Variants in GRIP1 observed in about 807,000 individuals in gnomAD.
GRIP1 encodes the protein glutamate receptor-interacting protein 1.
In GRIP1, 45 loss-of-function variants were observed where a neutral mutation model predicts 129.9. That is an observed-to-expected ratio of 0.35 (90% CI 0.27 to 0.44). GRIP1 has a LOEUF of 0.44. GRIP1 is among the 20% of genes least tolerant of loss of function. The pLI, the probability that GRIP1 is intolerant of heterozygous loss-of-function variation, is 1.00. For missense variants in GRIP1, 1,196 were observed against 1,396.8 expected, an observed-to-expected ratio of 0.86 and a Z score of 2.29; for synonymous variants, 530 against 520.8, an observed-to-expected ratio of 1.02 and a Z score of -0.24.
At chr12:66,954,341 G>C (rs116058360) in intron 1 of GRIP1, among the ~76,000 whole-genome samples, 21 of 152,298 alleles carry the variant, frequency 1.4e-4, no homozygotes, top group African/African-American at 5.1e-4. Context: ...AAATGGTATA[G>C]AAAAATGAGT....
intron 1 of GRIP1, among the ~76,000 whole-genome samples, chr12:66,616,390 T>C (rs973800476): frequency 6.6e-6 from 1 of 152,166 alleles, no homozygotes; most frequent in Non-Finnish European, 1.5e-5. Context: ...AAATGCTTAG[T>C]CTTAGTGCAC....
intron 5 of GRIP1, among the ~76,000 whole-genome samples, chr12:66,526,652 T>C (rs1032475148): frequency 2.6e-5 from 4 of 151,554 alleles, no homozygotes; most frequent in African/African-American, 4.9e-5. Flanking sequence ...CCAAAAGCAA[T>C]GGCAACAAAA....
At chr12:66,385,474 T>A (rs1428518545) in intron 19 of GRIP1, among the ~76,000 whole-genome samples, 1 of 152,044 alleles carries the variant, frequency 6.6e-6, no homozygotes, top group African/African-American at 2.4e-5. Flanking sequence ...AGGCAGAGGT[T>A]GCAGTGAGCC....
intron 2 of GRIP1, among the ~76,000 whole-genome samples, chr12:66,590,523 A>G (rs2063813535): frequency 6.6e-6 from 1 of 152,220 alleles, no homozygotes. Context: ...ACCTGCCATA[A>G]TAAGTAATAT....
At chr12:66,746,305 G>T (rs2036943527) in intron 1 of GRIP1, among the ~76,000 whole-genome samples, 1 of 152,074 alleles carries the variant, frequency 6.6e-6, no homozygotes, top group South Asian at 2.1e-4. Context: ...CTTATTCATG[G>T]ATACATTGCA....
rs187107282 is a variant in GRIP1, at chr12:66,519,379, A to G, written c.503-1403T>C. ...AATGTTACCACAAATGCTTGCCCAT[A>G]TTTATGTAAATACTGTTACATAATT... On this transcript the variant is annotated intron_variant, in intron 5 of 24. Transcript: ENST00000359742. Among the ~76,000 whole-genome samples the G allele has an allele frequency of 3.3e-5, 5 of 152,338 alleles. No individual in the cohort carries two copies. In the East Asian group the frequency reaches 9.6e-4, roughly 29 times the overall value.
chr12:66,897,214 C>T (rs1012971875), intron 1 of GRIP1, among the ~76,000 whole-genome samples: 2 of 152,118 alleles, frequency 1.3e-5, no homozygotes, highest in Admixed American at 6.5e-5. Context: ...AGGAGGCACT[C>T]GGTATGTGTC....
intron 1 of GRIP1, among the ~76,000 whole-genome samples, chr12:66,829,495 G>T: frequency 6.6e-6 from 1 of 152,192 alleles, no homozygotes; most frequent in African/African-American, 2.4e-5. Flanking sequence ...GTAATAACAC[G>T]ACAGCCACAG....
intron 2 of GRIP1, among the ~76,000 whole-genome samples, chr12:66,561,544 G>C (rs1450099204): frequency 6.6e-6 from 1 of 151,988 alleles, no homozygotes; most frequent in Non-Finnish European, 1.5e-5. Flanking sequence ...GGTTAGTTAT[G>C]ATTATTTAGA....
chr12:66,873,609 C>A (rs1469861474), intron 1 of GRIP1, among the ~76,000 whole-genome samples: 2 of 151,966 alleles, frequency 1.3e-5, no homozygotes, highest in Non-Finnish European at 2.9e-5. Context: ...AACCTGGTGA[C>A]TATTTATATT....
intron 2 of GRIP1, among the ~76,000 whole-genome samples, chr12:66,579,254 A>G (rs573747929): frequency 2.0e-3 from 301 of 152,344 alleles, no homozygotes; most frequent in African/African-American, 7.0e-3. Context: ...CCAAAAACCC[A>G]TCTGTACATC....
chr12:66,912,428 T>C (rs576020678), intron 1 of GRIP1, among the ~76,000 whole-genome samples: 1 of 152,274 alleles, frequency 6.6e-6, no homozygotes, highest in South Asian at 2.1e-4. Context: ...ATTACTATGA[T>C]GTTTGATGTG....
chr12:66,569,349 C>T lies in GRIP1; in HGVS notation c.137-27399G>A, dbSNP rs367733191. On this transcript the variant is annotated intron_variant, in intron 2 of 24. Transcript: ENST00000359742. ...AAAATTAGCTGGGTGCGGTGGCAGG[C>T]GCCTGCAATCCCAGCTACTGGGGAA... 3.7e-4 allele frequency among the ~76,000 whole-genome samples: 57 copies of T among 152,182 alleles called. No homozygotes were observed. The East Asian group carries it at 4.3e-3, about 11-fold the overall frequency.
At chr12:66,507,754 C>CCTTTCTTTCTTT (rs145153553) in intron 7 of GRIP1, among the ~76,000 whole-genome samples, 135 of 150,762 alleles carry the variant, frequency 9.0e-4, no homozygotes, top group Middle Eastern at 3.5e-3. Flanking sequence ...ATAGGGCATT[C>CCTTTCTTTCTTT]CTTTCTTTCT....
intron 1 of GRIP1, among the ~76,000 whole-genome samples, chr12:66,644,378 C>T (rs2032187128): frequency 6.6e-6 from 1 of 152,108 alleles, no homozygotes; most frequent in Non-Finnish European, 1.5e-5. Context: ...TTGAGAGAAA[C>T]TACAGAAAGA....
Position 66,394,887 on chromosome 12 carries a change from G to A in GRIP1, c.1985-535C>T, listed in dbSNP as rs2056732290. 4.6e-5 allele frequency among the ~76,000 whole-genome samples: 7 copies of A among 152,188 alleles called. No homozygotes were observed. In the South Asian group the frequency reaches 1.4e-3, roughly 31 times the overall value. ...AAGTGGAACTTAGATAAGTAAACTTGAAGACAACAGCAAGAAATCTAGAAT... is the reference window on the plus strand; with the variant it reads ...AAGTGGAACTTAGATAAGTAAACTTAAAGACAACAGCAAGAAATCTAGAAT... On this transcript the variant is annotated intron_variant, in intron 16 of 24. Coordinates refer to ENST00000359742, the MANE Select transcript of GRIP1 (RefSeq NM_001366722.1).
At chr12:66,476,343 A>G (rs1294671281) in intron 7 of GRIP1, among the ~76,000 whole-genome samples, 1 of 152,206 alleles carries the variant, frequency 6.6e-6, no homozygotes, top group African/African-American at 2.4e-5. Flanking sequence ...TAACAGACCA[A>G]TAACAGGCTC....
intron 1 of GRIP1, among the ~76,000 whole-genome samples, chr12:66,929,744 GACA>G (rs1186658865): frequency 4.6e-5 from 7 of 152,122 alleles, no homozygotes; most frequent in African/African-American, 9.7e-5. Flanking sequence ...TGAGGATACT[GACA>G]ACAAGAAACT....
At chr12:67,039,350 C>A (rs1292886119) in intron 1 of GRIP1, among the ~76,000 whole-genome samples, 4 of 152,098 alleles carry the variant, frequency 2.6e-5, no homozygotes, top group African/African-American at 9.7e-5. Context: ...GAAATGGGCA[C>A]ACACAAAAAA....
Sources: gnomAD v4.1 joint callset for allele counts (sites outside exome capture counted in the v4.1 genomes callset) on GRCh38, gnomAD v4.1.1 for gene constraint, MANE v1.5 for transcripts, NCBI Gene and HGNC (gene_info 2026-07-23, HGNC 2026-07-21) for gene names.